Variants in SSX1 observed in about 807,000 individuals in gnomAD.
SSX1 encodes the protein SSX family member 1.
Under a neutral mutation model 14.6 loss-of-function variants are expected in SSX1, and 58 were observed. The observed-to-expected ratio is 3.96, with a 90% confidence interval of 3.21 to 4.93. SSX1 has a LOEUF of 4.93. SSX1 is among the 30% of genes most tolerant of loss of function. SSX1 has a pLI of 0.00. For missense variants in SSX1, 272 were observed against 143.1 expected, an observed-to-expected ratio of 1.90 and a Z score of -4.60; for synonymous variants, 46 against 52.1, an observed-to-expected ratio of 0.88 and a Z score of 0.50.
intron 5 of SSX1, among the ~76,000 whole-genome samples, chrX:48,263,508 C>T (rs2059612191): frequency 9.0e-6 from 1 of 111,284 alleles, no homozygotes; most frequent in African/African-American, 3.3e-5. Flanking sequence ...ATTCTGTGTA[C>T]TACACTCTCA....
chrX:48,266,929 C>A lies in SSX1; in HGVS notation c.*80C>A, dbSNP rs781959683. ...TTCACGAACATGGGCATGGCTGCGG[C>A]TCCCTCGTCATCAGGTGCATAGCAA... is the stretch of plus-strand genomic sequence containing the variant. On this transcript the variant is annotated 3_prime_UTR_variant, in exon 8 of 8. Coordinates refer to ENST00000376919, the MANE Select transcript of SSX1 (RefSeq NM_005635.4). 899 of 1,053,866 alleles carry A rather than the reference C, an allele frequency of 8.5e-4. 5 individuals are homozygous for A. The East Asian group carries it at 0.013, about 15-fold the overall frequency. 86.9% of individuals were successfully genotyped at this position (1,053,866 alleles called of 1,213,427 possible). A position where few individuals can be genotyped will look rare whatever the true frequency, so the allele number is the denominator to read the frequency against.
intron 5 of SSX1, among the ~76,000 whole-genome samples, 176 bp downstream of exon 5, chrX:48,261,991 A>T (rs1473290255): frequency 8.9e-6 from 1 of 111,856 alleles, no homozygotes; most frequent in African/African-American, 3.2e-5. Flanking sequence ...GATCCTTAAT[A>T]CTTCTTTTGT....
chrX:48,264,814 G>A (rs1292082784), intron 6 of SSX1, among the ~76,000 whole-genome samples: 1 of 112,671 alleles, frequency 8.9e-6, no homozygotes, highest in African/African-American at 3.2e-5. Context: ...CCGATAAAAG[G>A]CTGTTTAATC....
intron 4 of SSX1, among the ~76,000 whole-genome samples, chrX:48,259,597 C>G (rs1331013569): frequency 9.0e-6 from 1 of 110,963 alleles, no homozygotes; most frequent in Non-Finnish European, 1.9e-5. Flanking sequence ...GCCATCCCTT[C>G]CCCCTCTCCC....
rs1458492868 is a variant in SSX1 at position 48,257,313 on chromosome X, G to C, written c.69+3G>C. On this transcript the variant is annotated splice_donor_region_variant and intron_variant, in intron 2 of 7. Transcript: ENST00000376919. ...AAGCATCAGAGAAGAGAAGCAAGGT[G>C]ACGTGACCTGGAGGGGGCAGAGCAG... The C allele has an allele frequency of 8.3e-7, 1 of 1,210,393 alleles. No individual in the cohort carries two copies. Among genetic ancestry groups the C allele is most frequent in the African/African-American group, 1.7e-5 (1 of 57,698 alleles).
In SSX1 at chrX:48,260,317, A is replaced by T. The variant is rs1486846359; in HGVS notation, c.281-1449A>T. Among the ~76,000 whole-genome samples the T allele has an allele frequency of 5.5e-5, 6 of 109,390 alleles. No homozygotes were observed. In the South Asian group the frequency reaches 2.4e-3, roughly 43 times the overall value. The allele number at this position is 109,390 out of a possible 115,157, so 95.0% of individuals were successfully genotyped here. On this transcript the variant is annotated intron_variant, in intron 4 of 7. Transcript: ENST00000376919. ...TGGGGTTGTTTGTTTTTTTCTTGTAAATTTGTTTGAGTTCATTGTAGATTC... is the reference window on the plus strand; with the variant it reads ...TGGGGTTGTTTGTTTTTTTCTTGTATATTTGTTTGAGTTCATTGTAGATTC...
In SSX1 at chrX:48,263,917, G is replaced by C; in HGVS notation, c.466G>C (p.Gly156Arg). 17 of 1,210,020 alleles carry C rather than the reference G, an allele frequency of 1.4e-5. No individual in the cohort carries two copies. Among genetic ancestry groups the C allele is most frequent in the East Asian group, 3.0e-5 (1 of 33,822 alleles). The change falls in exon 6 of 8, where the codon GGA (glycine) becomes CGA (arginine). Residue 156 changes from glycine to arginine, a missense_variant and splice_region_variant. Physicochemically the swap from Gly to Arg is moderately radical, Grantham distance 125. Coordinates refer to ENST00000376919, the MANE Select transcript of SSX1 (RefSeq NM_005635.4). ...NISEKINKRS[G>R]PKRGKHAWTH... ...TTCTGAGAAGATTAATAAGAGATCT[G>C]GTAAGAGGAAATGATTTGGGAACAA...
At chrX:48,262,731 C>G (rs1288810659) in intron 5 of SSX1, among the ~76,000 whole-genome samples, 2 of 111,711 alleles carry the variant, frequency 1.8e-5, no homozygotes, top group Non-Finnish European at 3.8e-5. Context: ...GAAAGGTATT[C>G]AATGTTATTA....
At position 48,266,890 on chromosome X, in the gene SSX1, G is replaced by T. The variant is rs782415815; in HGVS notation, c.*41G>T. On this transcript the variant is annotated 3_prime_UTR_variant, in exon 8 of 8. Coordinates refer to ENST00000376919, the MANE Select transcript of SSX1 (RefSeq NM_005635.4). ...CGACACATGCCCTTGATGAGAAGCA[G>T]AACGTGGTGACCTTTCACGAACATG... The T allele has an allele frequency of 9.0e-7, 1 of 1,108,936 alleles. No individual in the cohort carries two copies. Among genetic ancestry groups the T allele is most frequent in the East Asian group, 3.0e-5 (1 of 33,212 alleles). 91.4% of individuals were successfully genotyped at this position (1,108,936 alleles called of 1,213,427 possible).
chrX:48,267,044 T>C lies in SSX1; in HGVS notation c.*195T>C, dbSNP rs1415033405. Reference sequence around the variant, plus strand: ...ATGTTAGTGTTTCCATTGTATTTTCTTACAGTGTGCCATTCTGTTAGATAC... The same window carrying C: ...ATGTTAGTGTTTCCATTGTATTTTCCTACAGTGTGCCATTCTGTTAGATAC... On this transcript the variant is annotated 3_prime_UTR_variant, in exon 8 of 8. Coordinates refer to ENST00000376919, the MANE Select transcript of SSX1 (RefSeq NM_005635.4). 2.4e-5 allele frequency: 12 copies of C among 489,831 alleles called. No homozygotes were observed. In the African/African-American group the frequency reaches 2.8e-4, roughly 11 times the overall value. The allele number at this position is 489,831 out of a possible 1,213,427, so 40.4% of individuals were successfully genotyped here.
At chrX:48,266,761 G>A (rs1601951292) in intron 7 of SSX1, 93 bp from the exon 8 acceptor site, 4 of 611,640 alleles carry the variant, frequency 6.5e-6, no homozygotes, top group Admixed American at 2.4e-5. Context: ...GAATCAGAGT[G>A]TGCAGGGTCT....
At chrX:48,257,094 G>A (rs781822769) in intron 1 of SSX1, 128 bp from the exon 2 acceptor site, 3 of 569,301 alleles carry the variant, frequency 5.3e-6, no homozygotes, top group East Asian at 7.1e-5. Context: ...CCATGGACAG[G>A]TAAGCCCCGA....
intron 2 of SSX1, 22 bp downstream of exon 2, chrX:48,257,332 A>C (rs1556934576): frequency 1.7e-6 from 2 of 1,205,336 alleles, no homozygotes; most frequent in South Asian, 3.5e-5. Flanking sequence ...TGGAGGGGGC[A>C]GAGCAGTGGT....
At chrX:48,261,716 G>A (rs1291561958) in intron 4 of SSX1, 50 bp from the exon 5 acceptor site, 9 of 1,188,433 alleles carry the variant, frequency 7.6e-6, no homozygotes, top group Non-Finnish European at 9.1e-6. Flanking sequence ...TCTCTCCAGA[G>A]TTTGGAAATC....
chrX:48,261,562 C>T (rs1317934617), intron 4 of SSX1, among the ~76,000 whole-genome samples: 2 of 112,088 alleles, frequency 1.8e-5, no homozygotes, highest in African/African-American at 6.5e-5. Flanking sequence ...ATTTGAGAAA[C>T]CATGTGATGT....
intron 4 of SSX1, among the ~76,000 whole-genome samples, chrX:48,259,858 A>G (rs2059597872): frequency 9.5e-6 from 1 of 105,119 alleles, no homozygotes; most frequent in Non-Finnish European, 2.0e-5. Context: ...TCATTGTTGG[A>G]CATTTGGGTT....
chrX:48,266,792 G>A lies in SSX1; in HGVS notation c.*5-62G>A, dbSNP rs1301024790. ...GGTCTGCAGGTCAGGAGGAGTTGAG[G>A]TTGAGTTATTGGGCAGTGGGAACTC... is the stretch of plus-strand genomic sequence containing the variant. On this transcript the variant is annotated intron_variant, in intron 7 of 7. Coordinates refer to ENST00000376919, the MANE Select transcript of SSX1 (RefSeq NM_005635.4). 7 of 746,469 alleles carry A rather than the reference G, an allele frequency of 9.4e-6. No homozygotes were observed. The African/African-American group carries it at 1.2e-4, about 13-fold the overall frequency. The allele number at this position is 746,469 out of a possible 1,213,427, so 61.5% of individuals were successfully genotyped here.
At chrX:48,263,452 C>G (rs1221386425) in intron 5 of SSX1, among the ~76,000 whole-genome samples, 2 of 82,579 alleles carry the variant, frequency 2.4e-5, no homozygotes, top group Non-Finnish European at 5.2e-5. Context: ...GAAGCTCTTC[C>G]TTTTGTAGAC....
intron 1 of SSX1, among the ~76,000 whole-genome samples, chrX:48,256,539 G>T (rs1386257690): frequency 2.9e-4 from 27 of 94,432 alleles, no homozygotes; most frequent in African/African-American, 1.1e-3. Context: ...GGGCTCAAGA[G>T]ATCTGCACGC....
Sources: gnomAD v4.1 joint callset for allele counts (sites outside exome capture counted in the v4.1 genomes callset) on GRCh38, gnomAD v4.1.1 for gene constraint, MANE v1.5 for transcripts, NCBI Gene and HGNC (gene_info 2026-07-23, HGNC 2026-07-21) for gene names.